GSE1: variants seen among roughly 807,000 people sequenced by gnomAD.
The protein encoded by GSE1 is Gse1 coiled-coil protein.
GSE1 carries 32 observed loss-of-function variants against 112.6 expected under a neutral mutation model. That is an observed-to-expected ratio of 0.28 (90% CI 0.21 to 0.38). GSE1 has a LOEUF of 0.38. Among genes scored for constraint, GSE1 ranks in the 10% least tolerant of loss-of-function variants. The pLI is 1.00. For missense variants in GSE1, 2,348 were observed against 1,699.2 expected (o/e 1.38, Z -6.71); for synonymous variants, 1,115 against 735.6 (o/e 1.52, Z -8.35).
At chr16:85,397,672 A>G (rs1441486960) in intron 2 of GSE1, among the ~76,000 whole-genome samples, 1 of 152,190 alleles carries the variant, frequency 6.6e-6, no homozygotes, top group Admixed American at 6.5e-5. Context: ...ACCACCTGCC[A>G]TCTGGCCCCC....
chr16:85,481,215 C>G (rs764159565), intron 2 of GSE1, among the ~76,000 whole-genome samples: 12 of 152,260 alleles, frequency 7.9e-5, no homozygotes, highest in Non-Finnish European at 1.6e-4. Flanking sequence ...TGTAGCCACT[C>G]TGTGCCTCAG....
intron 2 of GSE1, among the ~76,000 whole-genome samples, chr16:85,484,962 G>C (rs2050787289): frequency 6.6e-6 from 1 of 152,138 alleles, no homozygotes; most frequent in African/African-American, 2.4e-5. Context: ...GAACCTGCCT[G>C]CTCAGCCCTC....
intron 1 of GSE1, among the ~76,000 whole-genome samples, chr16:85,254,385 T>C (rs1399251413): frequency 6.6e-6 from 1 of 152,192 alleles, no homozygotes; most frequent in Non-Finnish European, 1.5e-5. Context: ...GTGTTGACCC[T>C]GAAGAAGTTG....
rs1567555809 is a variant in GSE1 at position 85,519,559 on chromosome 16, T to TTTCACC, written c.2465-114355_2465-114354insTTCACC. On this transcript the variant is annotated intron_variant, in intron 2 of 2. Coordinates refer to the GSE1 transcript ENST00000637419. ...CCATCATCACTATTACCACCATCAC[T>TTTCACC]ATCATCATCACCATCACCAGTCTCC... Among the ~76,000 whole-genome samples the TTTCACC allele has an allele frequency of 6.5e-4, 6 of 9,250 alleles. 1 individual carries two copies. Among genetic ancestry groups the TTTCACC allele is most frequent in the African/African-American group, 2.0e-3 (6 of 2,928 alleles). 6.1% of individuals were successfully genotyped at this position (9,250 alleles called of 152,430 possible).
chr16:85,661,035 C>G, intron 8 of GSE1, 111 bp from the exon 9 acceptor site: 2 of 1,025,178 alleles, frequency 2.0e-6, no homozygotes, highest in Non-Finnish European at 2.9e-6. Context: ...CACTGGCTCT[C>G]TAAGGGGCTG....
intron 1 of GSE1, among the ~76,000 whole-genome samples, chr16:85,589,427 C>A (rs896975466): frequency 6.6e-6 from 1 of 152,122 alleles, no homozygotes; most frequent in Non-Finnish European, 1.5e-5. Flanking sequence ...TTTGACACGG[C>A]GCGGGTGGAG....
chr16:85,606,085 C>T lies in GSE1; in HGVS notation c.38-42467C>T, dbSNP rs549857568. ...CTTCTCACCTCCACCACAGAAGTTT[C>T]GGCTCCTGCCCTTGAAGTCTGCCGT... is the stretch of plus-strand genomic sequence containing the variant. On this transcript the variant is annotated intron_variant, in intron 1 of 2. Transcript: ENST00000635906. 1.2e-4 allele frequency among the ~76,000 whole-genome samples: 18 copies of T among 152,306 alleles called. No individual in the cohort carries two copies. In the South Asian group the frequency reaches 3.1e-3, roughly 26 times the overall value.
At chr16:85,216,107 G>A (rs902752990) in intron 1 of GSE1, among the ~76,000 whole-genome samples, 1 of 152,240 alleles carries the variant, frequency 6.6e-6, no homozygotes, top group Non-Finnish European at 1.5e-5. Flanking sequence ...GAGCGAGAGG[G>A]TGGCCCAGCC....
intron 3 of GSE1, among the ~76,000 whole-genome samples, chr16:85,653,727 A>C (rs763849773): frequency 2.2e-4 from 33 of 152,034 alleles, no homozygotes; most frequent in Non-Finnish European, 4.6e-4. Flanking sequence ...GGGGCAGACC[A>C]GCACCTTCGG....
intron 9 of GSE1, 29 bp from the exon 10 acceptor site, chr16:85,662,948 TTGTC>T (rs749506712): frequency 8.5e-6 from 12 of 1,419,274 alleles, no homozygotes; most frequent in African/African-American, 1.4e-5. Flanking sequence ...TGAAGGCTCT[TTGTC>T]TGGCTGAATA....
intron 2 of GSE1, among the ~76,000 whole-genome samples, chr16:85,511,385 G>A (rs982548063): frequency 6.6e-6 from 1 of 152,086 alleles, no homozygotes; most frequent in African/African-American, 2.4e-5. Flanking sequence ...AAAATCAGCC[G>A]GGCATGGTAG....
At chr16:85,604,773 A>AGCCGGACAGGGTGCTGTC (rs1215232128) in intron 1 of GSE1, among the ~76,000 whole-genome samples, 1 of 2,166 alleles carries the variant, frequency 4.6e-4, no homozygotes, top group African/African-American at 2.0e-3. Flanking sequence ...AAAAAAAAAA[A>AGCCGGACAGGGTGCTGTC]AATATATATA....
intron 2 of GSE1, among the ~76,000 whole-genome samples, chr16:85,641,826 G>A (rs551252784): frequency 9.2e-5 from 14 of 152,362 alleles, no homozygotes; most frequent in South Asian, 4.1e-4. Flanking sequence ...ACTGGCTGGC[G>A]GCTTCCTGTG....
chr16:85,315,357 G>C (rs369701837), intron 1 of GSE1, among the ~76,000 whole-genome samples: 1 of 152,160 alleles, frequency 6.6e-6, no homozygotes, highest in South Asian at 2.1e-4. Flanking sequence ...TTACAAATAG[G>C]GTTCAGATGG....
Position 85,661,224 on chromosome 16 carries a change from C to G in GSE1, c.1719C>G (p.Pro573=), listed in dbSNP as rs773716009. The part of the protein sequence containing the change: ...HFGGPPPLIS[P]KPQLHAAPTA... ...GGGGGCCACCACCTCTGATTTCGCC[C>G]AAGCCCCAGCTCCATGCTGCACCCA... The change falls in exon 9 of 16, where the codon CCC becomes CCG. Residue 573 remains proline, a synonymous_variant. Coordinates refer to ENST00000253458, the MANE Select transcript of GSE1 (RefSeq NM_014615.5). The G allele has an allele frequency of 1.2e-6, 2 of 1,609,968 alleles. No homozygotes were observed. The highest frequency in any genetic ancestry group is 1.7e-6 in the Non-Finnish European group (2 of 1,177,570).
chr16:85,478,567 C>G (rs1330746425), intron 2 of GSE1, among the ~76,000 whole-genome samples: 1 of 151,406 alleles, frequency 6.6e-6, no homozygotes, highest in Admixed American at 6.6e-5. Context: ...ATGGACAGAC[C>G]AGTGTGTCCA....
At chr16:85,435,238 C>G (rs2049217556) in intron 2 of GSE1, among the ~76,000 whole-genome samples, 1 of 152,216 alleles carries the variant, frequency 6.6e-6, no homozygotes, top group African/African-American at 2.4e-5. Context: ...TATGGAGCAG[C>G]CTCCTGGGGG....
At chr16:85,298,158 G>A (rs1597327157) in intron 1 of GSE1, among the ~76,000 whole-genome samples, 1 of 152,314 alleles carries the variant, frequency 6.6e-6, no homozygotes, top group Non-Finnish European at 1.5e-5. Context: ...TCCGCAGTGC[G>A]GGGTGGGGCC....
chr16:85,486,004 A>G (rs1411690138), intron 2 of GSE1, among the ~76,000 whole-genome samples: 1 of 152,150 alleles, frequency 6.6e-6, no homozygotes, highest in African/African-American at 2.4e-5. Context: ...GAAGCCTGCT[A>G]GGGGGTGTCA....
Sources: allele counts gnomAD v4.1 joint callset (sites outside exome capture counted in the v4.1 genomes callset), GRCh38; gene constraint gnomAD v4.1.1; transcripts MANE v1.5; gene names NCBI Gene and HGNC (gene_info 2026-07-23, HGNC 2026-07-21).